Variants in SPAG16 observed in about 807,000 individuals in gnomAD.
SPAG16 encodes sperm-associated antigen 16 protein.
Under a neutral mutation model 80.4 loss-of-function variants are expected in SPAG16, and 86 were observed. The ratio of observed to expected loss-of-function variants is 1.07; its 90% CI spans 0.90 to 1.28. The LOEUF (loss-of-function observed/expected upper bound fraction) is 1.28. SPAG16 is among the 50% of genes most tolerant of loss of function. The probability of loss-of-function intolerance (pLI) is 0.00; values close to 1 mark genes in which losing one functional copy is unlikely to be tolerated. For synonymous variants in SPAG16, 294 were observed against 265.9 expected (o/e 1.11, Z -1.03); for missense variants, 870 against 765.3 (o/e 1.14, Z -1.61).
chr2:214,397,267 T>C (rs918246924), intron 15 of SPAG16, among the ~76,000 whole-genome samples: 11 of 151,126 alleles, frequency 7.3e-5, no homozygotes, highest in Non-Finnish European at 1.3e-4. Context: ...GCGATTCTCC[T>C]GCCTCAGCCT....
chr2:213,772,377 A>T (rs1462713590), intron 10 of SPAG16, among the ~76,000 whole-genome samples: 1 of 152,152 alleles, frequency 6.6e-6, no homozygotes, highest in Non-Finnish European at 1.5e-5. Context: ...CTTGGATGGA[A>T]GCAGATATTT....
intron 15 of SPAG16, among the ~76,000 whole-genome samples, chr2:214,315,814 G>A (rs979827907): frequency 6.6e-6 from 1 of 152,162 alleles, no homozygotes; most frequent in East Asian, 1.9e-4. Context: ...TTACAAGCAT[G>A]AGCCACTGCA....
chr2:214,173,338 C>T (rs1451598571), intron 15 of SPAG16, among the ~76,000 whole-genome samples: 2 of 152,030 alleles, frequency 1.3e-5, no homozygotes, highest in Admixed American at 6.6e-5. Flanking sequence ...TTCCCAGCAC[C>T]ATTTATTAAA....
At chr2:214,062,303 C>T (rs2050304400) in intron 13 of SPAG16, among the ~76,000 whole-genome samples, 1 of 151,564 alleles carries the variant, frequency 6.6e-6, no homozygotes, top group Non-Finnish European at 1.5e-5. Context: ...GCCTTAATCC[C>T]AGCTACTCAG....
At chr2:214,329,532 AT>A (rs751226202) in intron 15 of SPAG16, among the ~76,000 whole-genome samples, 12 of 152,206 alleles carry the variant, frequency 7.9e-5, no homozygotes, top group Admixed American at 1.3e-4. Flanking sequence ...ACATTACTTT[AT>A]TGAATGTCTT....
chr2:214,319,212 A>ACACACACG, intron 15 of SPAG16, among the ~76,000 whole-genome samples: 1 of 151,404 alleles, frequency 6.6e-6, no homozygotes, highest in East Asian at 1.9e-4. Flanking sequence ...ACACACACAC[A>ACACACACG]CACACACACA....
chr2:214,327,750 T>C (rs976279749), intron 15 of SPAG16, among the ~76,000 whole-genome samples: 2 of 152,038 alleles, frequency 1.3e-5, no homozygotes, highest in African/African-American at 2.4e-5. Context: ...AGGACTACCA[T>C]TAAGAGATCC....
At chr2:214,140,521 A>G (rs961344326) in intron 14 of SPAG16, among the ~76,000 whole-genome samples, 28 of 152,120 alleles carry the variant, frequency 1.8e-4, no homozygotes, top group African/African-American at 6.3e-4. Flanking sequence ...TGCATTATCT[A>G]TCATTCTGAT....
At chr2:213,641,920 G>T (rs2062606687) in intron 10 of SPAG16, among the ~76,000 whole-genome samples, 1 of 152,304 alleles carries the variant, frequency 6.6e-6, no homozygotes, top group Admixed American at 6.5e-5. Flanking sequence ...AACATGTGAA[G>T]GAGGAATTGT....
intron 14 of SPAG16, among the ~76,000 whole-genome samples, chr2:214,126,703 G>T (rs894315250): frequency 2.6e-5 from 4 of 151,544 alleles, no homozygotes; most frequent in East Asian, 1.9e-4. Flanking sequence ...AACACCTTAG[G>T]TTACTATCAC....
chr2:214,301,300 A>G (rs1320714593), intron 15 of SPAG16, among the ~76,000 whole-genome samples: 1 of 146,508 alleles, frequency 6.8e-6, no homozygotes, highest in East Asian at 1.9e-4. Flanking sequence ...CTAGGCATCA[A>G]AAAAAAAAAA....
intron 10 of SPAG16, among the ~76,000 whole-genome samples, chr2:213,769,245 C>G (rs4233993): frequency 0.25 from 37,299 of 152,042 alleles, 5,277 homozygotes; most frequent in South Asian, 0.36. Flanking sequence ...CCAATTCTAT[C>G]TTGAGGAATT....
intron 12 of SPAG16, among the ~76,000 whole-genome samples, chr2:213,963,369 A>G (rs1231605958): frequency 5.9e-5 from 9 of 152,112 alleles, no homozygotes; most frequent in Admixed American, 5.9e-4. Flanking sequence ...TTGATTTATA[A>G]GTTCATTTCC....
chr2:213,654,335 C>T (rs962578920), intron 10 of SPAG16, among the ~76,000 whole-genome samples: 8 of 149,912 alleles, frequency 5.3e-5, no homozygotes, highest in Non-Finnish European at 1.0e-4. Flanking sequence ...TTCTAATGGA[C>T]GCTTGAACAT....
intron 10 of SPAG16, among the ~76,000 whole-genome samples, chr2:213,639,860 T>C (rs1316276604): frequency 4.6e-5 from 7 of 152,216 alleles, no homozygotes; most frequent in Non-Finnish European, 1.0e-4. Context: ...ATTTCTCTTC[T>C]TCCTCAGGAA....
chr2:214,273,957 C>T (rs905986129), intron 15 of SPAG16, among the ~76,000 whole-genome samples: 2 of 152,054 alleles, frequency 1.3e-5, no homozygotes, highest in African/African-American at 4.8e-5. Context: ...TTGTTTGTGT[C>T]CCCCTTTATT....
chr2:213,592,808 C>G (rs1174910671), intron 10 of SPAG16, among the ~76,000 whole-genome samples: 2 of 152,152 alleles, frequency 1.3e-5, no homozygotes, highest in Non-Finnish European at 2.9e-5. Context: ...ATGGTGTGAT[C>G]ACTTCGTCAG....
At chr2:214,370,970 A>T (rs1699776728) in intron 15 of SPAG16, among the ~76,000 whole-genome samples, 1 of 152,132 alleles carries the variant, frequency 6.6e-6, no homozygotes, top group Admixed American at 6.6e-5. Context: ...CTCGTAGCTG[A>T]ATGTTCCACT....
In SPAG16 at chr2:214,133,131, A is replaced by AT. The variant is rs796293502; in HGVS notation, c.1594-16009_1594-16008insT. 1.7e-3 allele frequency among the ~76,000 whole-genome samples: 258 copies of AT among 147,456 alleles called. 1 individual carries two copies. The highest frequency in any genetic ancestry group is 2.7e-3 in the Non-Finnish European group (185 of 67,428). ...TAAAAAAAATAAATAAATAATAATA[A>AT]AAAAAAAACCTACCATTAGCATAGA... On this transcript the variant is annotated intron_variant, in intron 14 of 15. Coordinates refer to ENST00000331683, the MANE Select transcript of SPAG16 (RefSeq NM_024532.5).
Sources: allele counts gnomAD v4.1 joint callset (sites outside exome capture counted in the v4.1 genomes callset), GRCh38; gene constraint gnomAD v4.1.1; transcripts MANE v1.5; gene names NCBI Gene and HGNC (gene_info 2026-07-23, HGNC 2026-07-21).